LRRC37A: variants seen among roughly 807,000 people sequenced by gnomAD.
The protein encoded by LRRC37A is leucine rich repeat containing 37A.
A neutral mutation model predicts 35.4 loss-of-function variants in LRRC37A; 3 were observed. That is an observed-to-expected ratio of 0.08 (90% CI 0.04 to 0.22). LRRC37A has a LOEUF of 0.22. Ranked by LOEUF, LRRC37A falls within the 10% of genes least tolerant of loss-of-function variation. The pLI, the probability that LRRC37A is intolerant of heterozygous loss-of-function variation, is 1.00. For synonymous variants in LRRC37A, 23 were observed against 215.0 expected (o/e 0.11, Z 7.81); for missense variants, 67 against 565.3 (o/e 0.12, Z 8.94).
chr17:46,292,183 T>C (rs373072335), upstream of LRRC37A, among the ~76,000 whole-genome samples: 21 of 43,824 alleles, frequency 4.8e-4, 8 homozygotes, highest in African/African-American at 4.7e-5. Flanking sequence ...AATACAAAAA[T>C]TGGCTGGGTG....
the LRRC37A span, among the ~76,000 whole-genome samples, chr17:46,272,081 G>T: frequency 6.2e-4 from 95 of 152,368 alleles, 1 homozygote; most frequent in Non-Finnish European, 1.1e-3. Flanking sequence ...TAAACCTCCT[G>T]TAGAATTTGG....
the LRRC37A span, among the ~76,000 whole-genome samples, chr17:46,261,212 T>TA: frequency 0.13 from 19,302 of 151,784 alleles, no homozygotes; most frequent in Middle Eastern, 0.2. Flanking sequence ...CCTATGGAAA[T>TA]AAAAATTTTT....
In LRRC37A at chr17:46,324,343, A is replaced by AT. The variant is rs1411455488; in HGVS notation, c.3053+1323dup. 8.6e-3 allele frequency among the ~76,000 whole-genome samples: 678 copies of AT among 78,502 alleles called. 5 individuals are homozygous for AT. Among genetic ancestry groups the AT allele is most frequent in the African/African-American group, 0.023 (625 of 26,616 alleles). The allele number at this position is 78,502 out of a possible 152,430, so 51.5% of individuals were successfully genotyped here. A position where few individuals can be genotyped will look rare whatever the true frequency, so the allele number is the denominator to read the frequency against. ...TAATTTTGACCAGCTTTAAGTTAGC[A>AT]TTTTTTTCTTAAATGGCTTGTGATT... is the stretch of plus-strand genomic sequence containing the variant. On this transcript the variant is annotated intron_variant, in intron 7 of 13. Coordinates refer to ENST00000320254, the Ensembl canonical transcript of LRRC37A.
At chr17:46,259,465 T>C in the LRRC37A span, 1 of 1,451,066 alleles carries the variant, frequency 6.9e-7, no homozygotes, top group Non-Finnish European at 9.5e-7. Context: ...GGGGGTCAGA[T>C]AGTGGCCACC....
the LRRC37A span, among the ~76,000 whole-genome samples, chr17:46,259,256 G>C: frequency 2.1e-4 from 1 of 4,712 alleles, no homozygotes; most frequent in African/African-American, 3.1e-3. Flanking sequence ...GTGGCAGAGG[G>C]GGGAAGGTAT....
intron 10 of LRRC37A, among the ~76,000 whole-genome samples, chr17:46,333,331 T>C (rs2052127062): frequency 1.9e-5 from 1 of 51,474 alleles, no homozygotes; most frequent in Admixed American, 1.7e-4. Context: ...AGATTAGAGA[T>C]GCTCAGCTTG....
exon 9 of LRRC37A, chr17:46,331,649 C>T: frequency 1.3e-6 from 1 of 777,436 alleles, no homozygotes; most frequent in East Asian, 2.7e-5. Context: ...GTCCCCCGAG[C>T]CCAAAAGCTT....
At chr17:46,265,340 C>A in the LRRC37A span, among the ~76,000 whole-genome samples, 1 of 128,544 alleles carries the variant, frequency 7.8e-6, no homozygotes, top group Non-Finnish European at 1.9e-5. Context: ...TTCTCCTCTT[C>A]TTCTTCTTCT....
the LRRC37A span, among the ~76,000 whole-genome samples, chr17:46,286,774 G>A: frequency 6.6e-6 from 1 of 152,246 alleles, no homozygotes; most frequent in African/African-American, 2.4e-5. Flanking sequence ...ATTATTAAAT[G>A]TGATGCTCTT....
the LRRC37A span, among the ~76,000 whole-genome samples, chr17:46,266,742 C>T: frequency 6.6e-6 from 1 of 152,100 alleles, no homozygotes; most frequent in South Asian, 2.1e-4. Context: ...GAGCGGGGAT[C>T]TGGGGAGGGG....
At chr17:46,255,273 C>T in the LRRC37A span, among the ~76,000 whole-genome samples, 1 of 151,964 alleles carries the variant, frequency 6.6e-6, no homozygotes, top group South Asian at 2.1e-4. Flanking sequence ...CCAGCCGAAG[C>T]TGGCCATTTA....
chr17:46,256,840 C>T, the LRRC37A span, among the ~76,000 whole-genome samples: 1 of 152,120 alleles, frequency 6.6e-6, no homozygotes, highest in African/African-American at 2.4e-5. Flanking sequence ...TATTGAGTGT[C>T]CCTATGAGGC....
the LRRC37A span, among the ~76,000 whole-genome samples, chr17:46,269,918 A>G: frequency 2.0e-5 from 3 of 152,242 alleles, no homozygotes; most frequent in African/African-American, 7.2e-5. Context: ...TGGAACCAAT[A>G]TTAACCAATG....
At chr17:46,272,461 C>A in the LRRC37A span, among the ~76,000 whole-genome samples, 4 of 152,332 alleles carry the variant, frequency 2.6e-5, no homozygotes, top group South Asian at 6.2e-4. Flanking sequence ...GTCCCCCAGG[C>A]TGGAGTGCAA....
the LRRC37A span, among the ~76,000 whole-genome samples, chr17:46,278,409 TTTGTTG>T: frequency 1.8e-4 from 19 of 104,980 alleles, no homozygotes; most frequent in Non-Finnish European, 3.5e-4. Context: ...TTGTTTTTTT[TTTGTTG>T]TTGTTTTAAG....
chr17:46,275,597 C>G, the LRRC37A span, among the ~76,000 whole-genome samples: 1 of 152,198 alleles, frequency 6.6e-6, no homozygotes, highest in Non-Finnish European at 1.5e-5. Context: ...AAACTTTTCA[C>G]TGTACACTAA....
At chr17:46,327,206 T>C (rs1270461555) in intron 7 of LRRC37A, among the ~76,000 whole-genome samples, 4 of 80,294 alleles carry the variant, frequency 5.0e-5, no homozygotes, top group African/African-American at 1.4e-4. Flanking sequence ...TGATGTATCC[T>C]TCCTGCCTCG....
chr17:46,258,775 T>C, the LRRC37A span, among the ~76,000 whole-genome samples: 130,539 of 142,876 alleles, frequency 0.91, 59,135 homozygotes, highest in East Asian at 1. Flanking sequence ...AGTGCAGTTG[T>C]GCAATCTTGG....
chr17:46,255,330 T>C, the LRRC37A span, among the ~76,000 whole-genome samples: 1 of 151,938 alleles, frequency 6.6e-6, no homozygotes, highest in Admixed American at 6.6e-5. Context: ...GCGGCTACTA[T>C]TATGGGCTAA....
Sources: gnomAD v4.1 joint callset for allele counts (sites outside exome capture counted in the v4.1 genomes callset) on GRCh38, gnomAD v4.1.1 for gene constraint, MANE v1.5 for transcripts, NCBI Gene and HGNC (gene_info 2026-07-23, HGNC 2026-07-21) for gene names.